NEGR1: variants seen among roughly 807,000 people sequenced by gnomAD.
NEGR1 encodes the protein neuronal growth regulator 1.
A neutral mutation model predicts 40.9 loss-of-function variants in NEGR1; 10 were observed. That is an observed-to-expected ratio of 0.24 (90% confidence interval 0.15 to 0.42). The LOEUF (loss-of-function observed/expected upper bound fraction) is 0.42, where lower values mean the gene tolerates loss of function less well. Ranked by LOEUF, NEGR1 falls within the 10% of genes least tolerant of loss-of-function variation. NEGR1 has a pLI of 1.00. For synonymous variants in NEGR1, 185 were observed against 166.8 expected, an observed-to-expected ratio of 1.11 and a Z score of -0.84; for missense variants, 352 against 438.9, an observed-to-expected ratio of 0.80 and a Z score of 1.77.
At chr1:71,995,097 A>G (rs1026994353) in intron 1 of NEGR1, among the ~76,000 whole-genome samples, 8 of 152,154 alleles carry the variant, frequency 5.3e-5, no homozygotes, top group South Asian at 2.1e-4. Flanking sequence ...TCGTGAGCTC[A>G]ATGTATAAGC....
At chr1:72,070,604 T>G (rs954119478) in intron 1 of NEGR1, among the ~76,000 whole-genome samples, 4 of 151,978 alleles carry the variant, frequency 2.6e-5, no homozygotes, top group Admixed American at 2.6e-4. Flanking sequence ...AATATAAGGT[T>G]TAAAAAATTA....
intron 1 of NEGR1, among the ~76,000 whole-genome samples, chr1:72,264,046 C>T (rs1655556166): frequency 6.6e-6 from 1 of 151,200 alleles, no homozygotes. Context: ...CTATGACAGG[C>T]ATATTCAATA....
chr1:72,208,769 A>G (rs765675393), intron 1 of NEGR1, among the ~76,000 whole-genome samples: 9 of 151,652 alleles, frequency 5.9e-5, no homozygotes, highest in Non-Finnish European at 8.9e-5. Context: ...GAGTTTATTT[A>G]GGCTACTTTG....
chr1:72,133,629 A>G (rs1205530462), intron 1 of NEGR1, among the ~76,000 whole-genome samples: 1 of 151,922 alleles, frequency 6.6e-6, no homozygotes, highest in East Asian at 1.9e-4. Context: ...CAATGTTTAA[A>G]TAAGTCAACT....
chr1:71,575,852 T>C (rs1337595455), intron 6 of NEGR1, among the ~76,000 whole-genome samples: 1 of 152,172 alleles, frequency 6.6e-6, no homozygotes, highest in East Asian at 1.9e-4. Context: ...CTTTCCCTAA[T>C]GTTATTAACA....
intron 1 of NEGR1, among the ~76,000 whole-genome samples, chr1:72,073,899 C>A (rs1647591509): frequency 6.6e-6 from 1 of 151,396 alleles, no homozygotes; most frequent in African/African-American, 2.4e-5. Flanking sequence ...AAAAGAAAGA[C>A]AAAATAATAT....
At chr1:71,767,957 T>C (rs1360038959) in intron 3 of NEGR1, among the ~76,000 whole-genome samples, 2 of 152,184 alleles carry the variant, frequency 1.3e-5, no homozygotes, top group African/African-American at 4.8e-5. Context: ...GTTAAGCCTG[T>C]GGGTGCACAG....
At chr1:72,169,994 T>G (rs973820449) in intron 1 of NEGR1, among the ~76,000 whole-genome samples, 4 of 152,158 alleles carry the variant, frequency 2.6e-5, no homozygotes, top group African/African-American at 9.7e-5. Flanking sequence ...ATCAGGAAAT[T>G]TAAATCTAGA....
intron 6 of NEGR1, among the ~76,000 whole-genome samples, chr1:71,510,668 C>A (rs909786408): frequency 2.6e-5 from 4 of 152,074 alleles, no homozygotes; most frequent in Non-Finnish European, 4.4e-5. Flanking sequence ...AGATTGTAAC[C>A]ACATAGAACT....
At chr1:72,101,168 T>G (rs2100245020) in intron 1 of NEGR1, among the ~76,000 whole-genome samples, 1 of 152,312 alleles carries the variant, frequency 6.6e-6, no homozygotes, top group East Asian at 1.9e-4. Context: ...GTCTTTTTCT[T>G]TGTCTCTTAT....
chr1:71,565,376 G>C (rs937464452), intron 6 of NEGR1, among the ~76,000 whole-genome samples: 11 of 152,162 alleles, frequency 7.2e-5, no homozygotes, highest in African/African-American at 2.7e-4. Context: ...GCCTGGCTAA[G>C]ACTTTTATGA....
At chr1:71,994,178 C>T (rs1330485404) in intron 1 of NEGR1, among the ~76,000 whole-genome samples, 1 of 152,108 alleles carries the variant, frequency 6.6e-6, no homozygotes, top group Non-Finnish European at 1.5e-5. Flanking sequence ...GAAATGCAAC[C>T]ATGTCTTTTA....
At position 72,008,166 on chromosome 1, in the gene NEGR1, A is replaced by G. The variant is rs80031436; in HGVS notation, c.177-72855T>C. ...TCATTGGTGTTTTTAATGGGTGTCA[A>G]TTATTACTATGCACATTTTAGAGAA... On this transcript the variant is annotated intron_variant, in intron 1 of 6. Coordinates refer to ENST00000357731, the MANE Select transcript of NEGR1 (RefSeq NM_173808.3). Among the ~76,000 whole-genome samples the G allele has an allele frequency of 5.3e-5, 8 of 152,198 alleles. No individual in the cohort carries two copies. In the East Asian group the frequency reaches 1.4e-3, roughly 26 times the overall value.
rs1308198328 is a variant in NEGR1, at chr1:71,942,738, G to A, written c.177-7427C>T. On this transcript the variant is annotated intron_variant, in intron 1 of 6. Coordinates refer to ENST00000357731, the MANE Select transcript of NEGR1 (RefSeq NM_173808.3). ...GGGATGGTCTCGATCTCCTGACCTCGTGATCCGCCCGCCTCGGCCTCCCAA... is the reference window on the plus strand; with the variant it reads ...GGGATGGTCTCGATCTCCTGACCTCATGATCCGCCCGCCTCGGCCTCCCAA... 2.1e-5 allele frequency among the ~76,000 whole-genome samples: 3 copies of A among 145,166 alleles called. No homozygotes were observed. The South Asian group carries it at 6.5e-4, about 31-fold the overall frequency.
chr1:72,023,667 A>AAATAATTACCGAACACAAGAAC (rs144071741), intron 1 of NEGR1, among the ~76,000 whole-genome samples: 5 of 151,308 alleles, frequency 3.3e-5, no homozygotes, highest in African/African-American at 7.3e-5. Flanking sequence ...AAAACTTAAC[A>AAATAATTACCGAACACAAGAAC]AATAACACAA....
At chr1:72,163,545 T>G (rs1264334792) in intron 1 of NEGR1, among the ~76,000 whole-genome samples, 1 of 152,084 alleles carries the variant, frequency 6.6e-6, no homozygotes, top group Non-Finnish European at 1.5e-5. Context: ...TTTAGAACAA[T>G]TTAGTTGTTA....
At chr1:71,762,045 A>G (rs1042405336) in intron 3 of NEGR1, among the ~76,000 whole-genome samples, 1 of 152,138 alleles carries the variant, frequency 6.6e-6, no homozygotes, top group Non-Finnish European at 1.5e-5. Flanking sequence ...GGGTAAAGGA[A>G]TGTAAAGGGC....
intron 6 of NEGR1, among the ~76,000 whole-genome samples, chr1:71,437,261 G>A (rs1404453335): frequency 6.6e-6 from 1 of 152,040 alleles, no homozygotes. Context: ...TTAGGAATAG[G>A]TGGGATGAGA....
At chr1:71,753,192 G>A (rs897424903) in intron 3 of NEGR1, among the ~76,000 whole-genome samples, 7 of 151,998 alleles carry the variant, frequency 4.6e-5, no homozygotes, top group Non-Finnish European at 1.0e-4. Flanking sequence ...TATATTGCCT[G>A]GCAGACAATA....
Sources: allele counts gnomAD v4.1 joint callset (sites outside exome capture counted in the v4.1 genomes callset), GRCh38; gene constraint gnomAD v4.1.1; transcripts MANE v1.5; gene names NCBI Gene and HGNC (gene_info 2026-07-23, HGNC 2026-07-21).